The following ZNF804A variants were observed in gnomAD, a reference collection of about 807,000 sequenced individuals.
ZNF804A encodes the protein zinc finger protein 804A.
A neutral mutation model predicts 16.5 loss-of-function variants in ZNF804A; 2 were observed. The ratio of observed to expected loss-of-function variants is 0.12; its 90% confidence interval spans 0.05 to 0.38. The LOEUF is 0.38. ZNF804A is among the 10% of genes least tolerant of loss of function. The pLI, the probability that ZNF804A is intolerant of heterozygous loss-of-function variation, is 0.99. For missense variants in ZNF804A, 1,473 were observed against 1,390.7 expected (o/e 1.06, Z -0.94); for synonymous variants, 534 against 489.6 (o/e 1.09, Z -1.20).
chr2:184,761,577 C>T (rs1413160714), intron 1 of ZNF804A, among the ~76,000 whole-genome samples: 1 of 151,974 alleles, frequency 6.6e-6, no homozygotes, highest in Non-Finnish European at 1.5e-5. Flanking sequence ...AAATGAATCC[C>T]GGACTTATTT....
intron 2 of ZNF804A, among the ~76,000 whole-genome samples, chr2:184,878,610 A>C (rs939145260): frequency 6.6e-6 from 1 of 152,080 alleles, no homozygotes; most frequent in African/African-American, 2.4e-5. Context: ...ATCTCAAAAA[A>C]CTTGTCAGTA....
intron 2 of ZNF804A, among the ~76,000 whole-genome samples, chr2:184,880,601 T>G (rs1684795988): frequency 6.6e-6 from 1 of 151,960 alleles, no homozygotes; most frequent in Non-Finnish European, 1.5e-5. Context: ...GACAGACAAC[T>G]TTTTTTTGAG....
intron 2 of ZNF804A, among the ~76,000 whole-genome samples, chr2:184,891,589 T>C (rs1684985448): frequency 6.6e-6 from 1 of 152,178 alleles, no homozygotes; most frequent in African/African-American, 2.4e-5. Flanking sequence ...CTGTTATTCT[T>C]TTTTTCTCAG....
intron 2 of ZNF804A, among the ~76,000 whole-genome samples, chr2:184,888,074 A>G (rs1185666758): frequency 1.3e-5 from 2 of 152,170 alleles, no homozygotes; most frequent in East Asian, 1.9e-4. Flanking sequence ...CCTCCTCTAC[A>G]TGCAATTTAC....
At chr2:184,714,657 T>A (rs1693185844) in intron 1 of ZNF804A, among the ~76,000 whole-genome samples, 2 of 151,936 alleles carry the variant, frequency 1.3e-5, no homozygotes, top group African/African-American at 2.4e-5. Flanking sequence ...AAAGAAATAA[T>A]AAGGTCCACA....
intron 1 of ZNF804A, among the ~76,000 whole-genome samples, chr2:184,719,257 A>G (rs1317697466): frequency 6.6e-6 from 1 of 151,968 alleles, no homozygotes; most frequent in Non-Finnish European, 1.5e-5. Context: ...CACACAGCAG[A>G]GGGACCCTGG....
At chr2:184,795,763 A>G (rs368635214) in intron 1 of ZNF804A, among the ~76,000 whole-genome samples, 52 of 150,748 alleles carry the variant, frequency 3.4e-4, no homozygotes, top group African/African-American at 1.2e-3. Flanking sequence ...CTGCTGAAAT[A>G]AAAAAGACCA....
chr2:184,708,785 C>T (rs1356766292), intron 1 of ZNF804A, among the ~76,000 whole-genome samples: 1 of 151,988 alleles, frequency 6.6e-6, no homozygotes, highest in Admixed American at 6.6e-5. Context: ...AATAAAATGC[C>T]TCGTGAAACT....
In ZNF804A at chr2:184,678,934, C is replaced by G. The variant is rs577799832; in HGVS notation, c.111+79864C>G. Among the ~76,000 whole-genome samples, 11 of 151,870 alleles carry G rather than the reference C, an allele frequency of 7.2e-5. No individual in the cohort carries two copies. In the South Asian group the frequency reaches 2.3e-3, roughly 32 times the overall value. ...TCAAAGTACAGAGATATGATAAACA[C>G]AAAATACATTTAAAATATGGAAACA... On this transcript the variant is annotated intron_variant, in intron 1 of 3. Coordinates refer to ENST00000302277, the MANE Select transcript of ZNF804A (RefSeq NM_194250.2).
Position 184,938,912 on chromosome 2 carries a change from T to C in ZNF804A, c.3516T>C (p.Ile1172=). 1.2e-6 allele frequency: 2 copies of C among 1,613,996 alleles called. No individual in the cohort carries two copies. The highest frequency in any genetic ancestry group is 1.7e-6 in the Non-Finnish European group (2 of 1,179,974). The change falls in exon 4 of 4, where the codon ATT becomes ATC. Residue 1172 remains isoleucine, a synonymous_variant. Coordinates refer to ENST00000302277, the MANE Select transcript of ZNF804A (RefSeq NM_194250.2). ...TTGCTCCTCCTCAGATGCCAATCAT[T>C]CCAGCTTCCGTTCTTCATCCTAGCC... The part of the protein sequence containing the change: ...TFVAPPQMPI[I]PASVLHPSHL...
At chr2:184,914,847 C>T (rs892290464) in intron 2 of ZNF804A, among the ~76,000 whole-genome samples, 16 of 151,762 alleles carry the variant, frequency 1.1e-4, no homozygotes, top group Admixed American at 6.6e-4. Context: ...AAAATGTTAA[C>T]TAACCCATAT....
intron 1 of ZNF804A, among the ~76,000 whole-genome samples, chr2:184,815,918 G>C (rs1246061241): frequency 1.3e-5 from 2 of 152,040 alleles, no homozygotes; most frequent in African/African-American, 4.8e-5. Flanking sequence ...TTAGTTTGTG[G>C]CCTCTTGTCA....
intron 1 of ZNF804A, among the ~76,000 whole-genome samples, chr2:184,659,495 T>C (rs1431633431): frequency 6.6e-6 from 1 of 151,970 alleles, no homozygotes; most frequent in Non-Finnish European, 1.5e-5. Flanking sequence ...TATATACATA[T>C]ATAGAACATA....
At chr2:184,604,231 C>T (rs1691100698) in intron 1 of ZNF804A, among the ~76,000 whole-genome samples, 1 of 128,236 alleles carries the variant, frequency 7.8e-6, no homozygotes. Context: ...AGTGCAATGG[C>T]GCCATCTCGG....
At chr2:184,831,443 A>G (rs1195198909) in intron 1 of ZNF804A, among the ~76,000 whole-genome samples, 1 of 152,024 alleles carries the variant, frequency 6.6e-6, no homozygotes, top group Non-Finnish European at 1.5e-5. Context: ...TGTTATTTTC[A>G]AATGCTTTTG....
At chr2:184,795,092 A>C (rs1694611153) in intron 1 of ZNF804A, among the ~76,000 whole-genome samples, 1 of 151,994 alleles carries the variant, frequency 6.6e-6, no homozygotes, top group African/African-American at 2.4e-5. Flanking sequence ...TTTACAGAAC[A>C]CCTATCCAAC....
chr2:184,737,125 C>T lies in ZNF804A; in HGVS notation c.112-129244C>T, dbSNP rs189063167. ...AGGCTGGAGTGTAGTGGCGCGATCTCGGCTCACTGCAAGCTCCACCTCCTG... is the reference window on the plus strand; with the variant it reads ...AGGCTGGAGTGTAGTGGCGCGATCTTGGCTCACTGCAAGCTCCACCTCCTG... On this transcript the variant is annotated intron_variant, in intron 1 of 3. Coordinates refer to ENST00000302277, the MANE Select transcript of ZNF804A (RefSeq NM_194250.2). Among the ~76,000 whole-genome samples the T allele has an allele frequency of 6.4e-3, 961 of 151,334 alleles. 8 individuals carry two copies. The highest frequency in any genetic ancestry group is 0.026 in the South Asian group (126 of 4,802).
intron 1 of ZNF804A, among the ~76,000 whole-genome samples, chr2:184,643,072 C>T (rs1012490511): frequency 6.6e-6 from 1 of 152,014 alleles, no homozygotes; most frequent in Admixed American, 6.6e-5. Flanking sequence ...GACACAGAAT[C>T]TCACATTAAA....
intron 1 of ZNF804A, among the ~76,000 whole-genome samples, chr2:184,834,057 A>G (rs895301592): frequency 2.6e-5 from 4 of 152,086 alleles, no homozygotes; most frequent in Non-Finnish European, 5.9e-5. Context: ...GCGTGAATCA[A>G]TTAATGGTTG....
Sources: allele counts gnomAD v4.1 joint callset (sites outside exome capture counted in the v4.1 genomes callset), GRCh38; gene constraint gnomAD v4.1.1; transcripts MANE v1.5; gene names NCBI Gene and HGNC (gene_info 2026-07-23, HGNC 2026-07-21).